SOST: variants seen among roughly 807,000 people sequenced by gnomAD.
SOST encodes sclerosteosis.
In SOST, 14 loss-of-function variants were observed where a neutral mutation model predicts 16.7. The observed-to-expected ratio is 0.84, with a 90% confidence interval of 0.55 to 1.31. The LOEUF (loss-of-function observed/expected upper bound fraction) is 1.31. Ranked by LOEUF, SOST falls within the 50% of genes most tolerant of loss-of-function variation. The pLI, the probability that SOST is intolerant of heterozygous loss-of-function variation, is 0.00. For missense variants in SOST, 291 were observed against 310.7 expected, an observed-to-expected ratio of 0.94 and a Z score of 0.48; for synonymous variants, 150 against 140.9, an observed-to-expected ratio of 1.06 and a Z score of -0.46.
rs150640883 is a variant in SOST at position 43,758,589 on chromosome 17, C to T, written c.153G>A (p.Glu51=). The T allele has an allele frequency of 7.5e-4, 1,218 of 1,614,208 alleles. 2 individuals carry two copies. The highest frequency in any genetic ancestry group is 2.1e-3 in the South Asian group (188 of 91,084). ...GEYPEPPPEL[E]NNKTMNRAEN... ...CCGCCCGGTTCATGGTCTTGTTGTT[C>T]TCCAGCTCCGGTGGAGGCTCGGGGT... The change falls in exon 1 of 2, where the codon GAG becomes GAA. Residue 51 remains glutamate (E), a synonymous_variant. Transcript: ENST00000301691.
intron 1 of SOST, 94 bp downstream of exon 1, chr17:43,758,428 A>C (rs1300786075): frequency 7.6e-5 from 78 of 1,023,472 alleles, no homozygotes; most frequent in Non-Finnish European, 1.1e-4. Flanking sequence ...AGCAATCTTC[A>C]CTGGGTCTAC....
At position 43,755,659 on chromosome 17, in the gene SOST, A is replaced by G; in HGVS notation, c.325T>C (p.Cys109Arg). ...TTGGGCAGCAGGCGCGCCGGGCCGC[A>G]CTGGCCGGAGCACACCAGCTCGGTG... ...PVTELVCSGQ[C>R]GPARLLPNAI... is the part of the protein sequence containing the mutation. The change falls in exon 2 of 2, where the codon TGC becomes CGC. Residue 109 changes from cysteine to arginine, a missense_variant. By Grantham distance (180) the Cys-to-Arg change is radical. Transcript: ENST00000301691. This position sits in a 1 kb window ranked among gnomAD's most constrained non-coding sequence, Gnocchi z 4.3. 1 of 1,567,868 alleles carries G rather than the reference A, an allele frequency of 6.4e-7. No individual in the cohort carries two copies. Among genetic ancestry groups the G allele is most frequent in the East Asian group, 2.3e-5 (1 of 42,838 alleles).
rs552066454 is a variant in SOST, at chr17:43,755,363, G to A, written c.621C>T (p.Ala207=). 6.3e-7 allele frequency: 1 copy of A among 1,586,338 alleles called. No individual in the cohort carries two copies. The highest frequency in any genetic ancestry group is 1.7e-5 in the Admixed American group (1 of 59,088). The change falls in exon 2 of 2, where the codon GCC becomes GCT. Residue 207 remains alanine (A), a synonymous_variant. Coordinates refer to ENST00000301691, the MANE Select transcript of SOST (RefSeq NM_025237.3). This position sits in a 1 kb window ranked among gnomAD's most constrained non-coding sequence, Gnocchi z 4.3. ...GGCTCTAGTAGGCGTTCTCCAGCTC[G>A]GCCTGGTTGGCTTTGGCGCTCCGGG... The part of the protein sequence containing the change: ...PRARSAKANQ[A]ELENAY
chr17:43,758,483 C>A, intron 1 of SOST, 39 bp downstream of exon 1: 2 of 1,537,486 alleles, frequency 1.3e-6, no homozygotes, highest in South Asian at 1.1e-5. Flanking sequence ...AAAACCTCCC[C>A]AGGATCTTTT....
At chr17:43,757,091 C>G (rs946161204) in intron 1 of SOST, among the ~76,000 whole-genome samples, 2 of 152,210 alleles carry the variant, frequency 1.3e-5, no homozygotes, top group African/African-American at 4.8e-5. Flanking sequence ...GGCTGGTTTG[C>G]ATCCTCACCT....
chr17:43,756,062 G>T (rs1974127795), intron 1 of SOST, among the ~76,000 whole-genome samples: 1 of 152,234 alleles, frequency 6.6e-6, no homozygotes, highest in Non-Finnish European at 1.5e-5. Context: ...TCTGCAAAAT[G>T]GGCCGCCCCA....
In SOST at chr17:43,755,756, G is replaced by A. The variant is rs1048843366; in HGVS notation, c.228C>T (p.Ser76=). The change falls in exon 2 of 2, where the codon TCC becomes TCT. Residue 76 remains serine (S), a synonymous_variant. Transcript: ENST00000301691. This position sits in a 1 kb window ranked among gnomAD's most constrained non-coding sequence, Gnocchi z 4.3. ...PHHPFETKDV[S]EYSCRELHFT... ...AGTGCAGCTCGCGGCAGCTGTACTC[G>A]GACACGTCTGTGGAGAGAGGCGCGC... is the stretch of plus-strand genomic sequence containing the variant. 4 of 1,580,100 alleles carry A rather than the reference G, an allele frequency of 2.5e-6. No homozygotes were observed. In the East Asian group the frequency reaches 6.9e-5, roughly 27 times the overall value.
chr17:43,754,639 G>T lies in SOST; in HGVS notation c.*703C>A, dbSNP rs1974106316. 6.6e-6 allele frequency: 1 copy of T among 152,030 alleles called. No individual in the cohort carries two copies. The highest frequency in any genetic ancestry group is 1.5e-5 in the Non-Finnish European group (1 of 68,002). 9.4% of individuals were successfully genotyped at this position (152,030 alleles called of 1,614,324 possible). A position where few individuals can be genotyped will look rare whatever the true frequency, so the allele number is the denominator to read the frequency against. On this transcript the variant is annotated 3_prime_UTR_variant, in exon 2 of 2. Transcript: ENST00000301691. ...GAGAGCATCACAACTCTGAATTCTG[G>T]AAGTGACCTTGGCACTGAATCAATG...
intron 1 of SOST, among the ~76,000 whole-genome samples, chr17:43,757,821 T>C (rs1478985047): frequency 1.3e-5 from 2 of 152,134 alleles, no homozygotes; most frequent in African/African-American, 2.4e-5. Flanking sequence ...TCCCATTCCT[T>C]CAAGTGCCAG....
intron 1 of SOST, 109 bp downstream of exon 1, chr17:43,758,413 A>T: frequency 1.2e-6 from 1 of 865,308 alleles, no homozygotes; most frequent in Non-Finnish European, 1.8e-6. Flanking sequence ...GTGCTGGCAG[A>T]GGCCAGCAAT....
rs1974116099 is a variant in SOST at position 43,755,394 on chromosome 17, G to C, written c.590C>G (p.Pro197Arg). The C allele has an allele frequency of 6.3e-7, 1 of 1,590,014 alleles. No individual in the cohort carries two copies. Residue 197 changes from proline (P) to arginine (R), a missense_variant, in exon 2 of 2, where the codon CCC becomes CGC. Transcript: ENST00000301691. This position sits in a 1 kb window ranked among gnomAD's most constrained non-coding sequence, Gnocchi z 4.3. ...ARPQKGRKPR[P>R]RARSAKANQA... ...GTTGGCTTTGGCGCTCCGGGCGCGG[G>C]GCCGCGGCTTCCGGCCCTTCTGCGG...
In SOST at chr17:43,755,458, G is replaced by A. The variant is rs1974117065; in HGVS notation, c.526C>T (p.Gln176Ter). The A allele has an allele frequency of 6.3e-7, 1 of 1,597,054 alleles. No homozygotes were observed. Among genetic ancestry groups the A allele is most frequent in the African/African-American group, 1.3e-5 (1 of 74,204 alleles). The change falls in exon 2 of 2, where the codon CAG becomes TAG. Residue 176 changes from glutamine (Q) to a stop codon, truncating the protein, a stop_gained. Coordinates refer to ENST00000301691, the MANE Select transcript of SOST (RefSeq NM_025237.3). LOFTEE classifies it high-confidence loss of function. The surrounding 1 kb of genome is among the most constrained non-coding windows in gnomAD (Gnocchi z 4.3). ...GTCCCGAAGTCCTTGAGCTCCGACT[G>A]GTTGTGGAAGCGGGTGAGGCGCTTG... The part of the protein sequence containing the change: ...KCKRLTRFHN[Q>*]SELKDFGTEA...
At position 43,755,422 on chromosome 17, in the gene SOST, G is replaced by C; in HGVS notation, c.562C>G (p.Arg188Gly). ...ELKDFGTEAA[R>G]PQKGRKPRPR... ...CGCGGCTTCCGGCCCTTCTGCGGCCGAGCGGCCTCGGTCCCGAAGTCCTTG... is the reference window on the plus strand; with the variant it reads ...CGCGGCTTCCGGCCCTTCTGCGGCCCAGCGGCCTCGGTCCCGAAGTCCTTG... Residue 188 changes from arginine (R) to glycine (G), a missense_variant, in exon 2 of 2, where the codon CGG becomes GGG. By Grantham distance (125) the Arg-to-Gly change is moderately radical. Transcript: ENST00000301691. This position sits in a 1 kb window ranked among gnomAD's most constrained non-coding sequence, Gnocchi z 4.3. 6.3e-7 allele frequency: 1 copy of C among 1,593,382 alleles called. No individual in the cohort carries two copies. Among genetic ancestry groups the C allele is most frequent in the Non-Finnish European group, 8.5e-7 (1 of 1,177,732 alleles).
At position 43,758,683 on chromosome 17, in the gene SOST, A is replaced by G. The variant is rs375589560; in HGVS notation, c.59T>C (p.Val20Ala). ...CGCCTGCCACCCCTGGCCCTCCACT[A>G]CACGGAAGGCTGTGTGTACCAGCAG... ...VCLLVHTAFR[V>A]VEGQGWQAFK... is the part of the protein sequence containing the mutation. The change falls in exon 1 of 2, where the codon GTA (valine) becomes GCA (alanine). Residue 20 changes from valine (V) to alanine (A), a missense_variant. Val to Ala is a moderately conservative substitution (Grantham distance 64, BLOSUM62 0). Coordinates refer to ENST00000301691, the MANE Select transcript of SOST (RefSeq NM_025237.3). 2.5e-6 allele frequency: 4 copies of G among 1,613,950 alleles called. No homozygotes were observed. Among genetic ancestry groups the G allele is most frequent in the Admixed American group, 1.7e-5 (1 of 59,998 alleles).
In SOST at chr17:43,755,548, G is replaced by A. The variant is rs765024136; in HGVS notation, c.436C>T (p.Leu146=). The part of the protein sequence containing the change: ...PDRYRAQRVQ[L]LCPGGEAPRA... ...GGCGCCTCACCACCGGGACACAGCAGCTGCACGCGCTGCGCGCGGTAGCGG... is the reference window on the plus strand; with the variant it reads ...GGCGCCTCACCACCGGGACACAGCAACTGCACGCGCTGCGCGCGGTAGCGG... The change falls in exon 2 of 2, where the codon CTG becomes TTG. Residue 146 remains leucine (L), a synonymous_variant. Transcript: ENST00000301691. This position sits in a 1 kb window ranked among gnomAD's most constrained non-coding sequence, Gnocchi z 4.3. 5 of 1,594,910 alleles carry A rather than the reference G, an allele frequency of 3.1e-6. No individual in the cohort carries two copies. In the Admixed American group the frequency reaches 8.4e-5, roughly 27 times the overall value.
Position 43,755,843 on chromosome 17 carries a change from G to A in SOST, c.221-80C>T. The A allele has an allele frequency of 1.4e-6, 2 of 1,480,122 alleles. No individual in the cohort carries two copies. Among genetic ancestry groups the A allele is most frequent in the South Asian group, 2.5e-5 (2 of 80,274 alleles). The allele number at this position is 1,480,122 out of a possible 1,614,324, so 91.7% of individuals were successfully genotyped here. ...GACCGGCCCGTCTCTCTCCACCCCAGCCCTGCTTTTGCCAAGCCTGTCTCC... is the reference window on the plus strand; with the variant it reads ...GACCGGCCCGTCTCTCTCCACCCCAACCCTGCTTTTGCCAAGCCTGTCTCC... On this transcript the variant is annotated intron_variant, in intron 1 of 1. Transcript: ENST00000301691. The surrounding 1 kb of genome is among the most constrained non-coding windows in gnomAD (Gnocchi z 4.3).
In SOST at chr17:43,755,386, G is replaced by C. The variant is rs769015314; in HGVS notation, c.598C>G (p.Arg200Gly). Residue 200 changes from arginine (R) to glycine (G), a missense_variant, in exon 2 of 2, where the codon CGG becomes GGG. Transcript: ENST00000301691. The surrounding 1 kb of genome is among the most constrained non-coding windows in gnomAD (Gnocchi z 4.3). ...QKGRKPRPRA[R>G]SAKANQAELE... The stretch of plus-strand genomic sequence containing the variant: ...TCGGCCTGGTTGGCTTTGGCGCTCC[G>C]GGCGCGGGGCCGCGGCTTCCGGCCC... 6 of 1,588,654 alleles carry C rather than the reference G, an allele frequency of 3.8e-6. No individual in the cohort carries two copies. Among genetic ancestry groups the C allele is most frequent in the South Asian group, 1.1e-5 (1 of 89,998 alleles).
Position 43,758,776 on chromosome 17 carries a change from T to TGTGCTACTGGA in SOST, c.-36_-35insTCCAGTAGCAC. ...CAGAGGAGGGCACGCCACCTTCCAG[T>TGTGCTACTGGA]AGCACAGGCTCTGGTCTCCAGCCGA... On this transcript the variant is annotated 5_prime_UTR_variant, in exon 1 of 2. Transcript: ENST00000301691. 3 of 1,541,254 alleles carry TGTGCTACTGGA rather than the reference T, an allele frequency of 1.9e-6. No homozygotes were observed. Among genetic ancestry groups the TGTGCTACTGGA allele is most frequent in the Non-Finnish European group, 2.7e-6 (3 of 1,118,112 alleles).
At chr17:43,757,620 G>A (rs1242803926) in intron 1 of SOST, among the ~76,000 whole-genome samples, 1 of 152,126 alleles carries the variant, frequency 6.6e-6, no homozygotes, top group East Asian at 1.9e-4. Context: ...TGTCACCTGG[G>A]CTTCTCTGTG....
Sources: gnomAD v4.1 joint callset for allele counts (sites outside exome capture counted in the v4.1 genomes callset) on GRCh38, gnomAD v4.1.1 for gene constraint, Gnocchi (gnomAD v3.1) non-coding constraint, MANE v1.5 for transcripts, NCBI Gene and HGNC (gene_info 2026-07-23, HGNC 2026-07-21) for gene names.